COL23A1: variants seen among roughly 807,000 people sequenced by gnomAD.
The protein encoded by COL23A1 is collagen type XXIII alpha 1 chain, also known as collagen alpha-1(XXIII) chain.
A neutral mutation model predicts 99.3 loss-of-function variants in COL23A1; 97 were observed. The observed-to-expected ratio is 0.98, with a 90% confidence interval of 0.83 to 1.16. The LOEUF is 1.16. Ranked by LOEUF, COL23A1 falls within the 50% of genes most tolerant of loss-of-function variation. COL23A1 has a pLI of 0.00. For synonymous variants in COL23A1, 320 were observed against 308.2 expected (o/e 1.04, Z -0.40); for missense variants, 762 against 757.4 (o/e 1.01, Z -0.07).
At chr5:178,322,350 G>A (rs970721375) in intron 2 of COL23A1, among the ~76,000 whole-genome samples, 13 of 152,140 alleles carry the variant, frequency 8.5e-5, no homozygotes, top group Admixed American at 2.0e-4. Context: ...GGTCAGGCTG[G>A]TCTTGAACTC....
At chr5:178,361,461 T>C (rs10440797) in intron 2 of COL23A1, among the ~76,000 whole-genome samples, 51,619 of 151,954 alleles carry the variant, frequency 0.34, 9,946 homozygotes, top group Non-Finnish European at 0.45. Flanking sequence ...GGGTAGAAGC[T>C]GATGCTCTTA....
chr5:178,367,215 G>T (rs955133568), intron 2 of COL23A1, among the ~76,000 whole-genome samples: 2 of 152,142 alleles, frequency 1.3e-5, no homozygotes, highest in African/African-American at 4.8e-5. Flanking sequence ...CATCCGCTCC[G>T]AGTCTTCCGA....
At chr5:178,357,784 ATGTGTG>A (rs200493328) in intron 2 of COL23A1, among the ~76,000 whole-genome samples, 4 of 139,914 alleles carry the variant, frequency 2.9e-5, no homozygotes, top group African/African-American at 1.1e-4. Flanking sequence ...GTGTATGTGT[ATGTGTG>A]TGTGTATGTG....
intron 2 of COL23A1, among the ~76,000 whole-genome samples, chr5:178,534,173 C>G (rs1292851011): frequency 1.3e-5 from 2 of 152,144 alleles, no homozygotes; most frequent in Non-Finnish European, 2.9e-5. Flanking sequence ...CTGGGAAGTC[C>G]AAGATCAAGG....
At chr5:178,348,538 G>A (rs528989617) in intron 2 of COL23A1, among the ~76,000 whole-genome samples, 5 of 152,292 alleles carry the variant, frequency 3.3e-5, no homozygotes, top group East Asian at 1.9e-4. Context: ...TCCGAACGGC[G>A]CTGGGCCAGC....
At position 178,366,274 on chromosome 5, in the gene COL23A1, C is replaced by T. The variant is rs1561907165; in HGVS notation, c.362-59355G>A. The stretch of plus-strand genomic sequence containing the variant: ...TTGGCTGTCCAGTGGGGAGGGGCAC[C>T]GCTGCCTTGCCCGAGGTTCCCTCTG... On this transcript the variant is annotated intron_variant, in intron 2 of 28. Coordinates refer to ENST00000390654, the MANE Select transcript of COL23A1 (RefSeq NM_173465.4). The surrounding 1 kb of genome is among the most constrained non-coding windows in gnomAD (Gnocchi z 4.4). Among the ~76,000 whole-genome samples the T allele has an allele frequency of 1.3e-5, 2 of 152,204 alleles. No individual in the cohort carries two copies. Among genetic ancestry groups the T allele is most frequent in the Admixed American group, 1.3e-4 (2 of 15,282 alleles).
In COL23A1 at chr5:178,384,551, C is replaced by T. The variant is rs572233543; in HGVS notation, c.362-77632G>A. Among the ~76,000 whole-genome samples, 3 of 152,176 alleles carry T rather than the reference C, an allele frequency of 2.0e-5. No individual in the cohort carries two copies. The highest frequency in any genetic ancestry group is 4.4e-5 in the Non-Finnish European group (3 of 68,042). ...CCACCGGGCACTGTGCAGGGGCCGG[C>T]GTGCCTTACTTCCCTCCCTGCTCCT... On this transcript the variant is annotated intron_variant, in intron 2 of 28. Transcript: ENST00000390654. The surrounding 1 kb of genome is among the most constrained non-coding windows in gnomAD (Gnocchi z 5.5).
chr5:178,360,699 C>T (rs2127702077), intron 2 of COL23A1, among the ~76,000 whole-genome samples: 1 of 152,298 alleles, frequency 6.6e-6, no homozygotes, highest in African/African-American at 2.4e-5. Context: ...ATACTAGAAA[C>T]TTGCATGGCA....
chr5:178,356,953 G>A (rs1347151591), intron 2 of COL23A1, among the ~76,000 whole-genome samples: 1 of 152,188 alleles, frequency 6.6e-6, no homozygotes, highest in Non-Finnish European at 1.5e-5. Flanking sequence ...ATAAAAAAAA[G>A]TCTAACACAA....
chr5:178,338,737 G>A (rs1028014197), intron 2 of COL23A1, among the ~76,000 whole-genome samples: 2 of 151,916 alleles, frequency 1.3e-5, no homozygotes, highest in Non-Finnish European at 2.9e-5. Flanking sequence ...TAATGGGGGG[G>A]TCCTGGGGAA....
chr5:178,285,379 G>A (rs1055703393), intron 5 of COL23A1, among the ~76,000 whole-genome samples: 1 of 152,086 alleles, frequency 6.6e-6, no homozygotes, highest in Admixed American at 6.5e-5. Context: ...AGTTTACTAA[G>A]CTACAAAAAA....
intron 2 of COL23A1, among the ~76,000 whole-genome samples, chr5:178,445,036 T>C (rs1767082907): frequency 6.6e-6 from 1 of 152,208 alleles, no homozygotes; most frequent in Non-Finnish European, 1.5e-5. Context: ...GCCTGGCTAG[T>C]GCTAGTACCT....
chr5:178,503,505 AC>A (rs1015840712), intron 2 of COL23A1, among the ~76,000 whole-genome samples: 5 of 152,156 alleles, frequency 3.3e-5, no homozygotes, highest in Admixed American at 2.0e-4. Context: ...AAAGTTAGTG[AC>A]CTTAATGTGG....
At chr5:178,534,488 T>G (rs1401910179) in intron 2 of COL23A1, among the ~76,000 whole-genome samples, 1 of 151,486 alleles carries the variant, frequency 6.6e-6, no homozygotes, top group Non-Finnish European at 1.5e-5. Context: ...AAGTCAGAAA[T>G]AGCGCACAGA....
chr5:178,380,415 G>C (rs71611430), intron 2 of COL23A1, among the ~76,000 whole-genome samples: 4,364 of 152,064 alleles, frequency 0.029, 106 homozygotes, highest in Non-Finnish European at 0.046. Context: ...GTGTGTGTGT[G>C]TGTGTGTGTA....
chr5:178,314,260 T>C (rs1581136306), intron 2 of COL23A1, among the ~76,000 whole-genome samples: 1 of 152,252 alleles, frequency 6.6e-6, no homozygotes, highest in East Asian at 1.9e-4. Flanking sequence ...CCATCCATCA[T>C]GCTGAACCGG....
chr5:178,426,270 C>T (rs1373223005), intron 2 of COL23A1, among the ~76,000 whole-genome samples: 7 of 152,254 alleles, frequency 4.6e-5, no homozygotes, highest in Non-Finnish European at 8.8e-5. Flanking sequence ...TTTGTGGATT[C>T]CTACCTAGTC....
chr5:178,426,548 C>T (rs1765948614), intron 2 of COL23A1, among the ~76,000 whole-genome samples: 1 of 152,222 alleles, frequency 6.6e-6, no homozygotes, highest in African/African-American at 2.4e-5. Context: ...CCTGCTCTGG[C>T]TGTGGTCCAT....
intron 1 of COL23A1, among the ~76,000 whole-genome samples, chr5:178,584,536 A>G (rs1331167697): frequency 6.6e-6 from 1 of 152,106 alleles, no homozygotes; most frequent in Admixed American, 6.6e-5. Context: ...ACCATCTTGG[A>G]GTCATGTCAC....
Sources: allele counts gnomAD v4.1 joint callset (sites outside exome capture counted in the v4.1 genomes callset), GRCh38; gene constraint gnomAD v4.1.1; non-coding constraint Gnocchi (gnomAD v3.1); transcripts MANE v1.5; gene names NCBI Gene and HGNC (gene_info 2026-07-23, HGNC 2026-07-21).